The following SPG11 variants were observed in gnomAD, a reference collection of about 807,000 sequenced individuals.
The protein encoded by SPG11 is spatacsin.
SPG11 carries 222 observed loss-of-function variants against 274.0 expected under a neutral mutation model. The observed-to-expected ratio is 0.81, with a 90% confidence interval of 0.73 to 0.91. SPG11 has a LOEUF of 0.91. Ranked by LOEUF, SPG11 falls within the 40% of genes least tolerant of loss-of-function variation. The pLI is 0.00. For missense variants in SPG11, 3,114 were observed against 2,872.7 expected, an observed-to-expected ratio of 1.08 and a Z score of -1.92; for synonymous variants, 1,144 against 1,039.7, an observed-to-expected ratio of 1.10 and a Z score of -1.93.
rs200281262 is a variant in SPG11, at chr15:44,615,504, C to T, written c.2897G>A (p.Arg966His). 499 of 1,614,058 alleles carry T rather than the reference C, an allele frequency of 3.1e-4. 1 individual carries two copies. The highest frequency in any genetic ancestry group is 3.8e-4 in the Non-Finnish European group (452 of 1,179,974). ...GGTATCCTGTATTACACCTCCAATA[C>T]GGCTCAGTCTTAGGAGGAAGCATTC... is the stretch of plus-strand genomic sequence containing the variant. ...DFECFLLRLS[R>H]IGGVIQDTLP... is the part of the protein sequence containing the mutation. The change falls in exon 16 of 40, where the codon CGT (arginine) becomes CAT (histidine). Residue 966 changes from arginine to histidine, a missense_variant. Coordinates refer to ENST00000261866, the MANE Select transcript of SPG11 (RefSeq NM_025137.4).
chr15:44,638,414 C>T (rs769590818), intron 7 of SPG11, among the ~76,000 whole-genome samples: 5 of 151,724 alleles, frequency 3.3e-5, no homozygotes, highest in Non-Finnish European at 7.4e-5. Context: ...GAGCCAAGAT[C>T]GTGCCACCTG....
At chr15:44,608,727 G>T in intron 18 of SPG11, 122 bp from the exon 19 acceptor site, 1 of 887,632 alleles carries the variant, frequency 1.1e-6, no homozygotes, top group Non-Finnish European at 1.7e-6. Flanking sequence ...AGTGAATATA[G>T]CATTAGACAA....
At chr15:44,649,144 T>C in intron 6 of SPG11, 133 bp from the exon 7 acceptor site, 1 of 743,430 alleles carries the variant, frequency 1.3e-6, no homozygotes, top group Non-Finnish European at 2.2e-6. Flanking sequence ...GGATATCATG[T>C]ACTATAATGA....
At position 44,629,331 on chromosome 15, in the gene SPG11, T is replaced by C; in HGVS notation, c.1793A>G (p.Tyr598Cys). Reference sequence around the variant, plus strand: ...AAAGTGTTTGCTTTGGGGTTCAGAATAACTTTCTCTAATTGCCGAGCAAAG... The same window carrying C: ...AAAGTGTTTGCTTTGGGGTTCAGAACAACTTTCTCTAATTGCCGAGCAAAG... Reference protein sequence around the residue: ...DLLCSAIRESYSEPQSKHFSE... With the variant: ...DLLCSAIRESCSEPQSKHFSE... Residue 598 changes from tyrosine to cysteine, a missense_variant, in exon 9 of 40, where the codon TAT becomes TGT. Coordinates refer to ENST00000261866, the MANE Select transcript of SPG11 (RefSeq NM_025137.4). The C allele has an allele frequency of 6.2e-7, 1 of 1,614,180 alleles. No homozygotes were observed. Among genetic ancestry groups the C allele is most frequent in the South Asian group, 1.1e-5 (1 of 91,084 alleles).
intron 33 of SPG11, among the ~76,000 whole-genome samples, chr15:44,571,464 T>G (rs932900206): frequency 8.6e-5 from 13 of 151,850 alleles, no homozygotes; most frequent in South Asian, 4.2e-4. Context: ...CGAGAAGAGA[T>G]AGAGAAGGCT....
At chr15:44,588,727 C>A in intron 28 of SPG11, 1 of 371,404 alleles carries the variant, frequency 2.7e-6, no homozygotes, top group South Asian at 2.0e-5. Context: ...CTAAGACCAA[C>A]CTTTGATCAA....
chr15:44,592,512 A>G, intron 26 of SPG11, 74 bp from the exon 27 acceptor site: 1 of 903,088 alleles, frequency 1.1e-6, no homozygotes, highest in Admixed American at 1.7e-5. Flanking sequence ...GCCAAATAAG[A>G]GAATGTTAAA....
chr15:44,564,700 T>TTCC lies in SPG11; in HGVS notation c.7000-3_7000-2insGGA, dbSNP rs312262787. On this transcript the variant is annotated splice_region_variant and splice_polypyrimidine_tract_variant and intron_variant, in intron 38 of 39. Coordinates refer to ENST00000261866, the MANE Select transcript of SPG11 (RefSeq NM_025137.4). ...GTAGGCCTCAGCCACAATAGAAGCC[T>TTCC]TAAAAGGAGAGGTGAAGAAGGACAC... 5.6e-6 allele frequency: 9 copies of TTCC among 1,614,106 alleles called. No individual in the cohort carries two copies. The highest frequency in any genetic ancestry group is 6.8e-6 in the Non-Finnish European group (8 of 1,180,018).
At position 44,652,061 on chromosome 15, in the gene SPG11, G is replaced by C. The variant is rs1595928011; in HGVS notation, c.1007+68C>G. ...TATCTATCAAATAAAGACCTTTAAT[G>C]AAAGGGTACAGCGTCAGCATGATAA... On this transcript the variant is annotated intron_variant, in intron 5 of 39. Transcript: ENST00000261866. 8 of 1,588,372 alleles carry C rather than the reference G, an allele frequency of 5.0e-6. No individual in the cohort carries two copies. The East Asian group carries it at 1.6e-4, about 31-fold the overall frequency.
chr15:44,654,489 T>A (rs529376192), intron 4 of SPG11, among the ~76,000 whole-genome samples: 3 of 149,230 alleles, frequency 2.0e-5, no homozygotes, highest in African/African-American at 7.4e-5. Context: ...ACCTTGGCAA[T>A]AGAGCAAGAC....
rs962732214 is a variant in SPG11 at position 44,605,951 on chromosome 15, T to C, written c.3520+74A>G. ...AATAAAAATCAATGAGAAAACTAGA[T>C]TGGCATTACATGTATTAACTTCTGT... On this transcript the variant is annotated intron_variant, in intron 20 of 39. Coordinates refer to ENST00000261866, the MANE Select transcript of SPG11 (RefSeq NM_025137.4). 3.1e-5 allele frequency: 38 copies of C among 1,230,118 alleles called. No individual in the cohort carries two copies. In the Middle Eastern group the frequency reaches 7.4e-4, roughly 24 times the overall value. The allele number at this position is 1,230,118 out of a possible 1,614,324, so 76.2% of individuals were successfully genotyped here. A position where few individuals can be genotyped will look rare whatever the true frequency, so the allele number is the denominator to read the frequency against.
In SPG11 at chr15:44,563,391, T is replaced by C. The variant is rs191284070; in HGVS notation, c.7152-90A>G. The C allele has an allele frequency of 6.5e-6, 8 of 1,238,540 alleles. No homozygotes were observed. In the Admixed American group the frequency reaches 1.2e-4, roughly 19 times the overall value. 76.7% of individuals were successfully genotyped at this position (1,238,540 alleles called of 1,614,324 possible). ...TCTTACTCTGTTGCCCAGGCTGGAG[T>C]GCAGAGGAGCAGTCTTGGCTCACTG... On this transcript the variant is annotated intron_variant, in intron 39 of 39. Coordinates refer to ENST00000261866, the MANE Select transcript of SPG11 (RefSeq NM_025137.4).
chr15:44,622,909 A>G, intron 11 of SPG11, 110 bp from the exon 12 acceptor site: 2 of 824,320 alleles, frequency 2.4e-6, no homozygotes, highest in Non-Finnish European at 4.3e-6. Flanking sequence ...CTATCTTGTT[A>G]GAATTCCATA....
chr15:44,564,608 A>AAG lies in SPG11; in HGVS notation c.7089_7090insCT (p.Glu2365TrpfsTer10). ...AACCTTTGCTGCTTAAATTCTTCCAAGTAATTAAAGTCTCCTTTAAGAATC... is the reference window on the plus strand; with the variant it reads ...AACCTTTGCTGCTTAAATTCTTCCAAAGGTAATTAAAGTCTCCTTTAAGAATC... On this transcript the variant is annotated frameshift_variant, in exon 39 of 40. Coordinates refer to ENST00000261866, the MANE Select transcript of SPG11 (RefSeq NM_025137.4). LOFTEE classifies it high-confidence loss of function. The AAG allele has an allele frequency of 1.2e-6, 2 of 1,613,936 alleles. No homozygotes were observed. Among genetic ancestry groups the AAG allele is most frequent in the Non-Finnish European group, 1.7e-6 (2 of 1,179,814 alleles).
At position 44,621,886 on chromosome 15, in the gene SPG11, G is replaced by A. The variant is rs753148847; in HGVS notation, c.2493C>T (p.Asp831=). Residue 831 remains aspartate, a synonymous_variant, in exon 14 of 40, where the codon GAC becomes GAT. Transcript: ENST00000261866. ...QDFFKHKSVL[D]SFLKYDCKDE... ...CTTTACAATCATATTTCAGGAATGA[G>A]TCCAAAACAGACTTGTGCTTGAAAA... The A allele has an allele frequency of 1.9e-6, 3 of 1,613,500 alleles. No individual in the cohort carries two copies. Among genetic ancestry groups the A allele is most frequent in the Non-Finnish European group, 1.7e-6 (2 of 1,179,790 alleles).
At chr15:44,598,969 G>T in intron 21 of SPG11, 133 bp from the exon 22 acceptor site, 3 of 913,088 alleles carry the variant, frequency 3.3e-6, no homozygotes, top group Non-Finnish European at 3.5e-6. Context: ...CTTACCTTTT[G>T]CCCCTTGCAC....
At chr15:44,624,012 C>T (rs552618940) in intron 11 of SPG11, among the ~76,000 whole-genome samples, 4 of 152,148 alleles carry the variant, frequency 2.6e-5, no homozygotes, top group South Asian at 4.1e-4. Context: ...CTGCCCATCT[C>T]GGCCTCCAAA....
In SPG11 at chr15:44,626,311, T is replaced by C; in HGVS notation, c.2244+20A>G. On this transcript the variant is annotated intron_variant, in intron 11 of 39. Transcript: ENST00000261866. The stretch of plus-strand genomic sequence containing the variant: ...ATTATATTAAATACATTTTAAGACT[T>C]TATGGATTACACCACTCACCATATT... 6.3e-7 allele frequency: 1 copy of C among 1,593,074 alleles called. No individual in the cohort carries two copies. Among genetic ancestry groups the C allele is most frequent in the Non-Finnish European group, 8.6e-7 (1 of 1,167,180 alleles).
At chr15:44,576,833 CT>C (rs1006599819) in intron 30 of SPG11, among the ~76,000 whole-genome samples, 2 of 151,688 alleles carry the variant, frequency 1.3e-5, no homozygotes, top group African/African-American at 4.8e-5. Context: ...GTTGAATTGG[CT>C]TTTTTTGTGT....
Sources: allele counts gnomAD v4.1 joint callset (sites outside exome capture counted in the v4.1 genomes callset), GRCh38; gene constraint gnomAD v4.1.1; transcripts MANE v1.5; gene names NCBI Gene and HGNC (gene_info 2026-07-23, HGNC 2026-07-21).